The following CCDC183 variants were observed in gnomAD, a reference collection of about 807,000 sequenced individuals.
CCDC183 encodes the protein coiled-coil domain containing 183, also known as coiled-coil domain-containing protein 183.
Under a neutral mutation model 65.2 loss-of-function variants are expected in CCDC183, and 63 were observed. That is an observed-to-expected ratio of 0.97 (90% confidence interval 0.79 to 1.19). The LOEUF (loss-of-function observed/expected upper bound fraction) is 1.19. CCDC183 is among the 50% of genes most tolerant of loss of function. The pLI is 0.00. For missense variants in CCDC183, 769 were observed against 689.3 expected (o/e 1.12, Z -1.30); for synonymous variants, 323 against 276.5 (o/e 1.17, Z -1.67).
chr9:136,800,182 G>A lies in CCDC183; in HGVS notation c.438+13G>A, dbSNP rs1452760855. Reference sequence around the variant, plus strand: ...GCGGCTGCTGCAGGTGGAGAGGCGGGGCTGGGAGGGCGGGGCGGAGTCCAC... The same window carrying A: ...GCGGCTGCTGCAGGTGGAGAGGCGGAGCTGGGAGGGCGGGGCGGAGTCCAC... On this transcript the variant is annotated intron_variant, in intron 4 of 13. Transcript: ENST00000338005. 1.3e-6 allele frequency: 2 copies of A among 1,514,644 alleles called. No individual in the cohort carries two copies. The highest frequency in any genetic ancestry group is 1.8e-6 in the Non-Finnish European group (2 of 1,131,184). The allele number at this position is 1,514,644 out of a possible 1,614,324, so 93.8% of individuals were successfully genotyped here.
At chr9:136,807,336 G>A (rs879354461) in intron 13 of CCDC183, 9 of 658,698 alleles carry the variant, frequency 1.4e-5, no homozygotes, top group Non-Finnish European at 2.3e-5. Context: ...GCTGGAGCAG[G>A]GAGGAGCGCG....
chr9:136,804,566 A>AAACC lies in CCDC183; in HGVS notation c.731_732insAACC (p.Asn244LysfsTer78). ...CGCCGGGCAAGGGAGAACCGGCTCA[A>AAACC]CCAGCAGAAGAAGCTGATCGACAAG... On this transcript the variant is annotated frameshift_variant, in exon 7 of 14. Coordinates refer to ENST00000338005, the MANE Select transcript of CCDC183 (RefSeq NM_001039374.5). LOFTEE classifies it high-confidence loss of function. The surrounding 1 kb of genome is among the most constrained non-coding windows in gnomAD (Gnocchi z 4.1). 6.2e-7 allele frequency: 1 copy of AAACC among 1,613,168 alleles called. No individual in the cohort carries two copies. Among genetic ancestry groups the AAACC allele is most frequent in the Non-Finnish European group, 8.5e-7 (1 of 1,179,802 alleles).
chr9:136,800,916 C>T (rs1468635256), intron 5 of CCDC183, among the ~76,000 whole-genome samples: 1 of 152,236 alleles, frequency 6.6e-6, no homozygotes, highest in African/African-American at 2.4e-5. Context: ...CAAAGGCAGC[C>T]AGCAGTCCGA....
chr9:136,802,362 A>T (rs1177660216), intron 5 of CCDC183, among the ~76,000 whole-genome samples: 1 of 152,196 alleles, frequency 6.6e-6, no homozygotes, highest in Non-Finnish European at 1.5e-5. Context: ...ACTTCAAAGC[A>T]GAACTGTCCC....
intron 4 of CCDC183, 69 bp downstream of exon 4, chr9:136,800,238 AC>A (rs1847717048): frequency 3.2e-6 from 1 of 313,424 alleles, no homozygotes; most frequent in South Asian, 4.1e-5. Flanking sequence ...GGGCGGGGCC[AC>A]CGGGGGGCGG....
Position 136,799,205 on chromosome 9 carries a change from C to T in CCDC183, c.174C>T (p.Asp58=). Residue 58 remains aspartate (D), a synonymous_variant, in exon 2 of 14, where the codon GAC becomes GAT. Coordinates refer to ENST00000338005, the MANE Select transcript of CCDC183 (RefSeq NM_001039374.5). Reference sequence around the variant, plus strand: ...GCAACATCCGCCGCGGGGCCCAGGACTGGGCTTTGGCCAAGAAGGTACACA... The same window carrying T: ...GCAACATCCGCCGCGGGGCCCAGGATTGGGCTTTGGCCAAGAAGGTACACA... ...LRSNIRRGAQ[D]WALAKKYDQW... 1 of 1,607,118 alleles carries T rather than the reference C, an allele frequency of 6.2e-7. No homozygotes were observed. Among genetic ancestry groups the T allele is most frequent in the East Asian group, 2.2e-5 (1 of 44,858 alleles).
chr9:136,801,660 C>T (rs574740363), intron 5 of CCDC183, among the ~76,000 whole-genome samples: 3 of 152,158 alleles, frequency 2.0e-5, no homozygotes, highest in Non-Finnish European at 2.9e-5. Context: ...AAGCCGAGAT[C>T]GTACCATCGC....
Position 136,806,880 on chromosome 9 carries a change from T to G in CCDC183, c.1389+13T>G. ...CAGGACCGAGGAGGTAGCCCCGGGC[T>G]GGGAGGAACCTGCACAGCCCACGTC... On this transcript the variant is annotated intron_variant, in intron 12 of 13. Transcript: ENST00000338005. 2 of 1,613,396 alleles carry G rather than the reference T, an allele frequency of 1.2e-6. No individual in the cohort carries two copies.
intron 5 of CCDC183, among the ~76,000 whole-genome samples, chr9:136,801,655 G>C (rs767379663): frequency 6.6e-6 from 1 of 152,060 alleles, no homozygotes; most frequent in Non-Finnish European, 1.5e-5. Context: ...GCTGCAAGCC[G>C]AGATCGTACC....
At chr9:136,807,514 C>T (rs1847882946) in intron 13 of CCDC183, 58 bp from the exon 14 acceptor site, 2 of 1,478,134 alleles carry the variant, frequency 1.4e-6, no homozygotes, top group Non-Finnish European at 1.8e-6. Context: ...AGAGGCGGGT[C>T]GGGCGGCTGC....
At chr9:136,803,212 GCTGGGGGCCCC>G (rs1847773178) in intron 6 of CCDC183, among the ~76,000 whole-genome samples, 3 of 46,986 alleles carry the variant, frequency 6.4e-5, no homozygotes, top group East Asian at 5.3e-4. Flanking sequence ...AGGGCCCAGG[GCTGGGGGCCCC>G]CCAGGGCCAG....
In CCDC183 at chr9:136,804,419, G is replaced by A. The variant is rs1847805456; in HGVS notation, c.667-83G>A. On this transcript the variant is annotated intron_variant, in intron 6 of 13. Transcript: ENST00000338005. This position sits in a 1 kb window ranked among gnomAD's most constrained non-coding sequence, Gnocchi z 4.1. ...TTCCAAAGTCTAGTAAGGTGAGCAT[G>A]GCCAACCGCCCGCTGGCTTTACTGC... 7 of 1,513,578 alleles carry A rather than the reference G, an allele frequency of 4.6e-6. No homozygotes were observed. Among genetic ancestry groups the A allele is most frequent in the Admixed American group, 2.1e-5 (1 of 48,336 alleles). 93.8% of individuals were successfully genotyped at this position (1,513,578 alleles called of 1,614,324 possible). A position where few individuals can be genotyped will look rare whatever the true frequency, so the allele number is the denominator to read the frequency against.
rs1176871682 is a variant in CCDC183 at position 136,806,486 on chromosome 9, C to T, written c.1110-18C>T. On this transcript the variant is annotated intron_variant, in intron 10 of 13. Transcript: ENST00000338005. Reference sequence around the variant, plus strand: ...GGGCCTGTGCCCCTCACTGCTGTGTCCCTATTGCCTTCTGCAGCTTCAAGT... The same window carrying T: ...GGGCCTGTGCCCCTCACTGCTGTGTTCCTATTGCCTTCTGCAGCTTCAAGT... The T allele has an allele frequency of 6.2e-7, 1 of 1,613,158 alleles. No individual in the cohort carries two copies.
Position 136,799,131 on chromosome 9 carries a change from GT to G in CCDC183, c.101del (p.Val34GlyfsTer71). ...GTGTCGGGCACTCCAGATCCAAGGG[GT>G]GAAAGAGAATATGGACCAGAACAAG... The part of the protein sequence containing the change: ...EQCRALQIQG[V>X]KENMDQNKAT... On this transcript the variant is annotated frameshift_variant, in exon 2 of 14. Transcript: ENST00000338005. LOFTEE classifies it high-confidence loss of function. 6.2e-7 allele frequency: 1 copy of G among 1,613,502 alleles called. No homozygotes were observed. Among genetic ancestry groups the G allele is most frequent in the Non-Finnish European group, 8.5e-7 (1 of 1,179,918 alleles).
In CCDC183 at chr9:136,805,218, G is replaced by T. The variant is rs74869446; in HGVS notation, c.848-139G>T. On this transcript the variant is annotated intron_variant, in intron 8 of 13. Coordinates refer to ENST00000338005, the MANE Select transcript of CCDC183 (RefSeq NM_001039374.5). Reference sequence around the variant, plus strand: ...CTGAGGAGGGAGCAGGTTGGGGCGGGGGCAGGCATCTCTGAAGGATGCCTG... The same window carrying T: ...CTGAGGAGGGAGCAGGTTGGGGCGGTGGCAGGCATCTCTGAAGGATGCCTG... 1,432 of 678,684 alleles carry T rather than the reference G, an allele frequency of 2.1e-3. 20 individuals carry two copies. In the African/African-American group the frequency reaches 0.022, roughly 10 times the overall value. 42.0% of individuals were successfully genotyped at this position (678,684 alleles called of 1,614,324 possible).
In CCDC183 at chr9:136,806,760, G is replaced by T. The variant is rs1351940920; in HGVS notation, c.1282G>T (p.Glu428Ter). ...MGINLPATQR[E>*]VVLSNTLDLN... ...AGACCCTCCTCCCGGCCTACAGAGA[G>T]AAGTGGTGCTCTCCAACACCCTCGA... The change falls in exon 12 of 14, where the codon GAA (glutamate) becomes TAA (stop). Residue 428 changes from glutamate to a stop codon, truncating the protein, a stop_gained. Transcript: ENST00000338005. LOFTEE classifies it high-confidence loss of function. The T allele has an allele frequency of 6.2e-7, 1 of 1,613,438 alleles. No individual in the cohort carries two copies.
intron 6 of CCDC183, among the ~76,000 whole-genome samples, chr9:136,803,624 C>T (rs994155277): frequency 1.3e-5 from 2 of 152,228 alleles, no homozygotes; most frequent in African/African-American, 4.8e-5. Flanking sequence ...CCACACAGCC[C>T]CTGAGCCAGC....
In CCDC183 at chr9:136,804,138, T is replaced by G; in HGVS notation, c.667-364T>G. The G allele has an allele frequency of 4.0e-6, 1 of 250,806 alleles. No individual in the cohort carries two copies. 15.5% of individuals were successfully genotyped at this position (250,806 alleles called of 1,614,324 possible). A position where few individuals can be genotyped will look rare whatever the true frequency, so the allele number is the denominator to read the frequency against. On this transcript the variant is annotated intron_variant, in intron 6 of 13. Coordinates refer to ENST00000338005, the MANE Select transcript of CCDC183 (RefSeq NM_001039374.5). This position sits in a 1 kb window ranked among gnomAD's most constrained non-coding sequence, Gnocchi z 4.1. ...GTGAGCAGGGGTTAGCAGATGACGG[T>G]TTTAGCTGCCCAAGGGCACGCTGGA...
intron 10 of CCDC183, 81 bp downstream of exon 10, chr9:136,806,319 A>G: frequency 6.8e-7 from 1 of 1,466,884 alleles, no homozygotes; most frequent in South Asian, 1.3e-5. Context: ...GGGAGCTGGG[A>G]GTATACCCAC....
Sources: allele counts gnomAD v4.1 joint callset (sites outside exome capture counted in the v4.1 genomes callset), GRCh38; gene constraint gnomAD v4.1.1; non-coding constraint Gnocchi (gnomAD v3.1); transcripts MANE v1.5; gene names NCBI Gene and HGNC (gene_info 2026-07-23, HGNC 2026-07-21).